ABI3BP: variants seen among roughly 807,000 people sequenced by gnomAD.
The protein encoded by ABI3BP is target of Nesh-SH3.
ABI3BP carries 216 observed loss-of-function variants against 268.6 expected under a neutral mutation model. The observed-to-expected ratio is 0.80, with a 90% CI of 0.72 to 0.90. The LOEUF (loss-of-function observed/expected upper bound fraction) is 0.90, where lower values mean the gene tolerates loss of function less well. Among genes scored for constraint, ABI3BP ranks in the 40% least tolerant of loss-of-function variants. The pLI is 0.00. For synonymous variants in ABI3BP, 730 were observed against 730.0 expected (o/e 1.00, Z 0.00); for missense variants, 2,090 against 2,182.4 (o/e 0.96, Z 0.84).
chr3:100,937,743 G>A (rs537973652), intron 1 of ABI3BP, among the ~76,000 whole-genome samples: 5 of 152,054 alleles, frequency 3.3e-5, no homozygotes, highest in Non-Finnish European at 7.4e-5. Context: ...ACAATGCTAA[G>A]TTTCCAACGT....
At chr3:100,846,784 A>G (rs779527910) in intron 19 of ABI3BP, among the ~76,000 whole-genome samples, 2 of 152,152 alleles carry the variant, frequency 1.3e-5, no homozygotes, top group Admixed American at 6.5e-5. Context: ...CCCTTACTTC[A>G]TATTTCTCAA....
chr3:100,811,090 G>T, intron 48 of ABI3BP, 140 bp downstream of exon 48: 1 of 642,650 alleles, frequency 1.6e-6, no homozygotes. Context: ...ATGGATAGGA[G>T]CACCTTGAAA....
chr3:100,822,557 G>T (rs1264823501), intron 38 of ABI3BP, 32 bp downstream of exon 38: 1 of 1,525,962 alleles, frequency 6.6e-7, no homozygotes, highest in Non-Finnish European at 8.8e-7. Context: ...TTAGGCTGCA[G>T]GGACTCTTTA....
chr3:100,753,283 T>C (rs1209367159), intron 65 of ABI3BP, among the ~76,000 whole-genome samples: 1 of 151,752 alleles, frequency 6.6e-6, no homozygotes, highest in Admixed American at 6.6e-5. Flanking sequence ...TTATTAAAAG[T>C]GGAAATGAGG....
chr3:100,856,516 G>T (rs1488888949), intron 14 of ABI3BP, among the ~76,000 whole-genome samples: 3 of 152,192 alleles, frequency 2.0e-5, no homozygotes, highest in African/African-American at 7.2e-5. Context: ...AGAATAAGTA[G>T]CAGCTTAGTA....
chr3:100,908,545 C>A (rs767304806), intron 2 of ABI3BP, among the ~76,000 whole-genome samples: 3 of 150,524 alleles, frequency 2.0e-5, no homozygotes, highest in Non-Finnish European at 2.9e-5. Flanking sequence ...AGCTGATAAG[C>A]AACTTCAGCA....
In ABI3BP at chr3:100,862,840, A is replaced by G; in HGVS notation, c.1208T>C (p.Leu403Ser). The G allele has an allele frequency of 2.6e-6, 4 of 1,533,902 alleles. No individual in the cohort carries two copies. The highest frequency in any genetic ancestry group is 3.5e-6 in the Non-Finnish European group (4 of 1,145,138). Residue 403 changes from leucine (L) to serine (S), a missense_variant and splice_region_variant, in exon 13 of 68, where the codon TTG becomes TCG. Transcript: ENST00000471714. ...TAAATTTAAGGTACTCTTATTACCC[A>G]ATGTGCCCCTAGGTTTCTCAAAAGG... ...PFPFEKPRGTLASSEKPWIVP... is the reference protein window; with the variant it reads ...PFPFEKPRGTSASSEKPWIVP...
chr3:100,928,978 A>AT (rs1216121768), intron 1 of ABI3BP, among the ~76,000 whole-genome samples: 8 of 152,004 alleles, frequency 5.3e-5, no homozygotes, highest in Admixed American at 3.9e-4. Flanking sequence ...GATTTTGTCA[A>AT]TTTTTTCCCT....
chr3:100,750,543 A>G lies in ABI3BP; in HGVS notation c.5313T>C (p.Asn1771=), dbSNP rs1287340519. Reference sequence around the variant, plus strand: ...TCCCACATTCATACCACTGAACATAATTGATTTGGGTGTGACCACCTATTT... The same window carrying G: ...TCCCACATTCATACCACTGAACATAGTTGATTTGGGTGTGACCACCTATTT... ...FGEIGGHTQI[N]YVQWYECGTT... Residue 1771 remains asparagine, a synonymous_variant, in exon 68 of 68, where the codon AAT becomes AAC. Transcript: ENST00000471714. 6 of 1,613,196 alleles carry G rather than the reference A, an allele frequency of 3.7e-6. No homozygotes were observed. In the Middle Eastern group the frequency reaches 4.9e-4, roughly 133 times the overall value.
intron 1 of ABI3BP, among the ~76,000 whole-genome samples, chr3:100,963,844 G>A (rs549283218): frequency 6.6e-6 from 1 of 152,154 alleles, no homozygotes; most frequent in Non-Finnish European, 1.5e-5. Flanking sequence ...AACCAGCCCT[G>A]AAAGTCCTCA....
intron 2 of ABI3BP, among the ~76,000 whole-genome samples, chr3:100,910,572 A>T (rs2055966489): frequency 6.6e-6 from 1 of 151,166 alleles, no homozygotes; most frequent in South Asian, 2.1e-4. Flanking sequence ...GATGGGTCTC[A>T]CTATGCTGCC....
chr3:100,750,150 A>G lies in ABI3BP; in HGVS notation c.*345T>C, dbSNP rs1163395489. On this transcript the variant is annotated 3_prime_UTR_variant, in exon 68 of 68. Coordinates refer to ENST00000471714, the MANE Select transcript of ABI3BP (RefSeq NM_001375547.2). ...TAAAAGTAAATTTTTTTTAAAAAGT[A>G]TATACCTTTTTGATGTTAATTTTGT... is the stretch of plus-strand genomic sequence containing the variant. 4.6e-6 allele frequency: 1 copy of G among 217,556 alleles called. No homozygotes were observed. 13.5% of individuals were successfully genotyped at this position (217,556 alleles called of 1,614,324 possible).
In ABI3BP at chr3:100,792,788, ATTGC is replaced by A; in HGVS notation, c.3947-24_3947-21del. ...TTTCTTCTAGAGAAAACACAGTAAGATTGCTTGTTTTAAATAATTAACATTATGA... is the reference window on the plus strand; with the variant it reads ...TTTCTTCTAGAGAAAACACAGTAAGATTGTTTTAAATAATTAACATTATGA... On this transcript the variant is annotated intron_variant, in intron 54 of 67. Coordinates refer to ENST00000471714, the MANE Select transcript of ABI3BP (RefSeq NM_001375547.2). The A allele has an allele frequency of 6.2e-7, 1 of 1,601,772 alleles. No homozygotes were observed. The highest frequency in any genetic ancestry group is 8.5e-7 in the Non-Finnish European group (1 of 1,169,778).
chr3:100,928,581 T>C (rs960950669), intron 1 of ABI3BP, among the ~76,000 whole-genome samples: 2 of 152,056 alleles, frequency 1.3e-5, no homozygotes, highest in Non-Finnish European at 2.9e-5. Context: ...TGCATAGTAG[T>C]TTTTACTTTC....
At position 100,837,126 on chromosome 3, in the gene ABI3BP, A is replaced by G. The variant is rs1185971281; in HGVS notation, c.2129T>C (p.Ile710Thr). ...AAGAAGGAAGAAAGCATCATTACCT[A>G]TGGTCATTGAGGGAGCTTCAGTTTC... ...PFETEAPSMT[I>T]VPTTDIEPVT... Residue 710 changes from isoleucine (I) to threonine (T), a missense_variant and splice_region_variant, in exon 27 of 68, where the codon ATA (isoleucine) becomes ACA (threonine). By Grantham distance (89) the Ile-to-Thr change is moderately conservative. Coordinates refer to ENST00000471714, the MANE Select transcript of ABI3BP (RefSeq NM_001375547.2). 9.1e-6 allele frequency: 14 copies of G among 1,534,112 alleles called. 1 individual carries two copies. The highest frequency in any genetic ancestry group is 3.3e-4 in the Middle Eastern group (2 of 6,000).
In ABI3BP at chr3:100,961,514, A is replaced by T. The variant is rs188649979; in HGVS notation, c.79+31792T>A. Reference sequence around the variant, plus strand: ...GTTGATGGGATACCAGTGAGAACATAATATGGGCAAAGGAGAAGAAAACTT... The same window carrying T: ...GTTGATGGGATACCAGTGAGAACATTATATGGGCAAAGGAGAAGAAAACTT... On this transcript the variant is annotated intron_variant, in intron 1 of 67. Transcript: ENST00000471714. Among the ~76,000 whole-genome samples the T allele has an allele frequency of 2.0e-3, 309 of 152,336 alleles. 2 individuals are homozygous for T. Among genetic ancestry groups the T allele is most frequent in the Non-Finnish European group, 2.5e-3 (171 of 68,018 alleles).
intron 5 of ABI3BP, 145 bp downstream of exon 5, chr3:100,885,997 T>C (rs2041836070): frequency 7.0e-6 from 4 of 572,856 alleles, no homozygotes; most frequent in Non-Finnish European, 8.4e-6. Context: ...GCTCAATATA[T>C]CTTCTTTGCT....
intron 58 of ABI3BP, among the ~76,000 whole-genome samples, chr3:100,779,476 C>T (rs1323717142): frequency 6.6e-6 from 1 of 152,118 alleles, no homozygotes; most frequent in African/African-American, 2.4e-5. Context: ...CTGCTTTAAC[C>T]CACATTTTAA....
At chr3:100,787,392 AG>A (rs1430627788) in intron 57 of ABI3BP, among the ~76,000 whole-genome samples, 1 of 152,154 alleles carries the variant, frequency 6.6e-6, no homozygotes, top group African/African-American at 2.4e-5. Context: ...TACAGTTCAA[AG>A]ACTAGTCTGT....
Sources: gnomAD v4.1 joint callset for allele counts (sites outside exome capture counted in the v4.1 genomes callset) on GRCh38, gnomAD v4.1.1 for gene constraint, MANE v1.5 for transcripts, NCBI Gene and HGNC (gene_info 2026-07-23, HGNC 2026-07-21) for gene names.